Variants in PRICKLE1 observed in about 807,000 individuals in gnomAD.
PRICKLE1 encodes the protein prickle planar cell polarity protein 1.
In PRICKLE1, 14 loss-of-function variants were observed where a neutral mutation model predicts 70.2. That is an observed-to-expected ratio of 0.20 (90% CI 0.13 to 0.31). The LOEUF is 0.31. Among genes scored for constraint, PRICKLE1 ranks in the 10% least tolerant of loss-of-function variants. The probability of loss-of-function intolerance (pLI) is 1.00; values close to 1 mark genes in which losing one functional copy is unlikely to be tolerated. For missense variants in PRICKLE1, 821 were observed against 1,026.2 expected, an observed-to-expected ratio of 0.80 and a Z score of 2.73; for synonymous variants, 357 against 379.9, an observed-to-expected ratio of 0.94 and a Z score of 0.70.
At position 42,466,393 on chromosome 12, in the gene PRICKLE1, A is replaced by C; in HGVS notation, c.589-13T>G. The stretch of plus-strand genomic sequence containing the variant: ...CAGCAAAAATTATCTTCAAAAAGAA[A>C]TGTGAAACCAGAGAATGAAAGAAAA... On this transcript the variant is annotated splice_polypyrimidine_tract_variant and intron_variant, in intron 5 of 7. Coordinates refer to ENST00000345127, the MANE Select transcript of PRICKLE1 (RefSeq NM_153026.3). 6.2e-7 allele frequency: 1 copy of C among 1,613,032 alleles called. No homozygotes were observed. The highest frequency in any genetic ancestry group is 8.5e-7 in the Non-Finnish European group (1 of 1,178,986).
At chr12:42,524,290 A>G (rs1939762902) in intron 1 of PRICKLE1, among the ~76,000 whole-genome samples, 1 of 152,232 alleles carries the variant, frequency 6.6e-6, no homozygotes, top group Admixed American at 6.5e-5. Flanking sequence ...TTTTTTCAGA[A>G]TATTTTTCCT....
At chr12:42,504,394 G>A (rs950881417) in intron 1 of PRICKLE1, among the ~76,000 whole-genome samples, 2 of 152,212 alleles carry the variant, frequency 1.3e-5, no homozygotes, top group African/African-American at 4.8e-5. Context: ...CCTCCAAAAA[G>A]CACATTTAGT....
intron 1 of PRICKLE1, among the ~76,000 whole-genome samples, chr12:42,499,455 C>G (rs1367848173): frequency 2.0e-5 from 3 of 148,290 alleles, no homozygotes; most frequent in Non-Finnish European, 4.4e-5. Context: ...GAGTCTTGCT[C>G]TGTTGCCCAG....
chr12:42,548,645 A>G (rs1940253239), intron 1 of PRICKLE1, among the ~76,000 whole-genome samples: 1 of 152,196 alleles, frequency 6.6e-6, no homozygotes, highest in Admixed American at 6.5e-5. Context: ...GGTACAGTCA[A>G]AAGAAGAGGA....
intron 1 of PRICKLE1, among the ~76,000 whole-genome samples, chr12:42,576,679 C>T (rs1361098869): frequency 1.3e-5 from 2 of 152,182 alleles, no homozygotes; most frequent in African/African-American, 2.4e-5. Context: ...CACATCATGG[C>T]TCACTGCTGT....
chr12:42,568,119 T>C (rs1940652319), intron 1 of PRICKLE1, among the ~76,000 whole-genome samples: 1 of 152,244 alleles, frequency 6.6e-6, no homozygotes, highest in South Asian at 2.1e-4. Flanking sequence ...CTAATATATA[T>C]AGCCTCATTT....
At chr12:42,550,398 AAT>A (rs1940294954) in intron 1 of PRICKLE1, 1 of 152,210 alleles carries the variant, frequency 6.6e-6, no homozygotes, top group Non-Finnish European at 1.5e-5. Context: ...AAGAAGAAGC[AAT>A]ATCATTTGGT....
intron 1 of PRICKLE1, among the ~76,000 whole-genome samples, chr12:42,512,020 G>A (rs771029780): frequency 6.6e-6 from 1 of 152,138 alleles, no homozygotes; most frequent in Non-Finnish European, 1.5e-5. Flanking sequence ...CTACCCCTCT[G>A]GGGTTGTGCT....
chr12:42,573,665 G>C (rs927963459), intron 1 of PRICKLE1, among the ~76,000 whole-genome samples: 1 of 151,906 alleles, frequency 6.6e-6, no homozygotes, highest in Admixed American at 6.6e-5. Context: ...CATCTCCCAG[G>C]CTCAATCAAT....
At chr12:42,537,055 T>G (rs1214886237) in intron 1 of PRICKLE1, among the ~76,000 whole-genome samples, 1 of 152,168 alleles carries the variant, frequency 6.6e-6, no homozygotes, top group Non-Finnish European at 1.5e-5. Context: ...AAAGATCCTA[T>G]TTAGGTGTTG....
intron 5 of PRICKLE1, among the ~76,000 whole-genome samples, chr12:42,467,707 C>T (rs1004927080): frequency 1.3e-5 from 2 of 151,864 alleles, no homozygotes; most frequent in Non-Finnish European, 2.9e-5. Flanking sequence ...GATTGCACCA[C>T]GGCACTCCAG....
intron 1 of PRICKLE1, among the ~76,000 whole-genome samples, chr12:42,499,483 C>T (rs1274800253): frequency 7.6e-5 from 11 of 144,840 alleles, no homozygotes; most frequent in African/African-American, 2.6e-4. Flanking sequence ...TGCAGTGGTA[C>T]GATCTCAGCT....
chr12:42,526,753 CAAAAA>C (rs55654226), intron 1 of PRICKLE1, among the ~76,000 whole-genome samples: 5 of 137,906 alleles, frequency 3.6e-5, no homozygotes, highest in Non-Finnish European at 4.7e-5. Context: ...TCCTCTAAGC[CAAAAA>C]AAAAAAAAAA....
Position 42,483,565 on chromosome 12 carries a change from G to A in PRICKLE1, c.-48-11001C>T, listed in dbSNP as rs1669919. On this transcript the variant is annotated intron_variant, in intron 1 of 7. Transcript: ENST00000345127. ...GAGTCACCCGCACCCACTCATTTCC[G>A]GAGGAGACCCCAGCAGGGTGGGGCA... is the stretch of plus-strand genomic sequence containing the variant. The A allele has an allele frequency of 0.18, 27,339 of 151,838 alleles. 3,141 individuals are homozygous for A. Among genetic ancestry groups the A allele is most frequent in the African/African-American group, 0.32 (13,049 of 41,370 alleles). The allele number at this position is 151,838 out of a possible 1,614,324, so 9.4% of individuals were successfully genotyped here.
At chr12:42,492,111 AT>A (rs1939117835) in intron 1 of PRICKLE1, among the ~76,000 whole-genome samples, 1 of 150,372 alleles carries the variant, frequency 6.7e-6, no homozygotes, top group African/African-American at 2.5e-5. Context: ...AAAAAAAAAA[AT>A]TTATTCAGAG....
intron 1 of PRICKLE1, among the ~76,000 whole-genome samples, chr12:42,532,016 T>C (rs1566116067): frequency 6.6e-6 from 1 of 152,012 alleles, no homozygotes; most frequent in Non-Finnish European, 1.5e-5. Flanking sequence ...ATAAATAAAT[T>C]AGCCGGGCAT....
chr12:42,506,481 T>C (rs1939418442), intron 1 of PRICKLE1, among the ~76,000 whole-genome samples: 1 of 151,120 alleles, frequency 6.6e-6, no homozygotes, highest in Non-Finnish European at 1.5e-5. Flanking sequence ...GGTCTTGAAC[T>C]CCTGACCCCA....
intron 1 of PRICKLE1, among the ~76,000 whole-genome samples, chr12:42,572,766 G>A (rs12228734): frequency 0.72 from 108,852 of 152,000 alleles, 42,113 homozygotes; most frequent in East Asian, 0.96. Context: ...AGTCGAGGCC[G>A]CAAGTGAGCC....
At chr12:42,584,488 A>G (rs1940954509) in intron 1 of PRICKLE1, 1 of 152,186 alleles carries the variant, frequency 6.6e-6, no homozygotes, top group African/African-American at 2.4e-5. Flanking sequence ...ATCCTAGAAA[A>G]CTAGGGCCAA....
Sources: allele counts gnomAD v4.1 joint callset (sites outside exome capture counted in the v4.1 genomes callset), GRCh38; gene constraint gnomAD v4.1.1; transcripts MANE v1.5; gene names NCBI Gene and HGNC (gene_info 2026-07-23, HGNC 2026-07-21).